The following PPFIA2 variants were observed in gnomAD, a reference collection of about 807,000 sequenced individuals.
PPFIA2 encodes liprin-alpha-2.
Under a neutral mutation model 175.5 loss-of-function variants are expected in PPFIA2, and 46 were observed. The observed-to-expected ratio is 0.26, with a 90% CI of 0.21 to 0.34. The LOEUF is 0.34. PPFIA2 is among the 10% of genes least tolerant of loss of function. The probability of loss-of-function intolerance (pLI) is 1.00; values close to 1 mark genes in which losing one functional copy is unlikely to be tolerated. For missense variants in PPFIA2, 1,179 were observed against 1,506.1 expected (o/e 0.78, Z 3.60); for synonymous variants, 568 against 511.4 (o/e 1.11, Z -1.49).
At chr12:81,683,966 A>C (rs1284563844) in intron 3 of PPFIA2, among the ~76,000 whole-genome samples, 1 of 152,032 alleles carries the variant, frequency 6.6e-6, no homozygotes, top group Non-Finnish European at 1.5e-5. Flanking sequence ...ATGGGAACTA[A>C]TAAAGAGAGA....
At chr12:81,519,446 A>C (rs749066705) in intron 4 of PPFIA2, among the ~76,000 whole-genome samples, 2 of 152,188 alleles carry the variant, frequency 1.3e-5, no homozygotes, top group African/African-American at 4.8e-5. Flanking sequence ...GGAGAAGAAA[A>C]TTACATTAGT....
intron 3 of PPFIA2, among the ~76,000 whole-genome samples, chr12:81,721,041 G>A (rs2079251488): frequency 6.6e-6 from 1 of 150,428 alleles, no homozygotes; most frequent in Non-Finnish European, 1.5e-5. Flanking sequence ...AGGCAGGCAG[G>A]TGATTATGAA....
chr12:81,658,268 C>CAAAAAAA (rs1318255722), intron 4 of PPFIA2, among the ~76,000 whole-genome samples: 1 of 114,500 alleles, frequency 8.7e-6, no homozygotes, highest in African/African-American at 4.0e-5. Context: ...AACTCCATCT[C>CAAAAAAA]AAAAAAAAAA....
rs2058771830 is a variant in PPFIA2, at chr12:81,344,895, C to A, written c.2233-202G>T. Reference sequence around the variant, plus strand: ...TTTAGAGAGGGAACTTCTCAGGTAACATAAGTCAGATGATTGTTTCCATAA... The same window carrying A: ...TTTAGAGAGGGAACTTCTCAGGTAAAATAAGTCAGATGATTGTTTCCATAA... On this transcript the variant is annotated intron_variant, in intron 18 of 32. Transcript: ENST00000549396. 6 of 469,486 alleles carry A rather than the reference C, an allele frequency of 1.3e-5. No homozygotes were observed. In the South Asian group the frequency reaches 1.8e-4, roughly 14 times the overall value. The allele number at this position is 469,486 out of a possible 1,614,324, so 29.1% of individuals were successfully genotyped here.
chr12:81,412,550 T>C (rs534113529), intron 7 of PPFIA2, among the ~76,000 whole-genome samples: 32 of 152,056 alleles, frequency 2.1e-4, no homozygotes, highest in African/African-American at 6.0e-4. Context: ...ACAACCACAA[T>C]TGCTTTTGCA....
At chr12:81,434,968 A>G (rs1021757731) in intron 7 of PPFIA2, among the ~76,000 whole-genome samples, 1 of 152,136 alleles carries the variant, frequency 6.6e-6, no homozygotes, top group Non-Finnish European at 1.5e-5. Context: ...ATGAATTATT[A>G]TTATTATTTA....
At chr12:81,576,173 G>A (rs951254814) in intron 4 of PPFIA2, among the ~76,000 whole-genome samples, 3 of 151,616 alleles carry the variant, frequency 2.0e-5, no homozygotes, top group Admixed American at 6.6e-5. Flanking sequence ...AGAATGGGGT[G>A]TCCTTCAATA....
chr12:81,717,583 C>A (rs1232268569), intron 3 of PPFIA2, among the ~76,000 whole-genome samples: 1 of 151,620 alleles, frequency 6.6e-6, no homozygotes, highest in African/African-American at 2.4e-5. Flanking sequence ...TCAAATAAAC[C>A]AGTGTGCTGC....
intron 4 of PPFIA2, among the ~76,000 whole-genome samples, chr12:81,467,668 A>G (rs746269960): frequency 6.6e-6 from 1 of 152,144 alleles, no homozygotes; most frequent in Non-Finnish European, 1.5e-5. Context: ...GATTGCATCT[A>G]TTATCACTAA....
chr12:81,464,469 C>T (rs1169725695), intron 4 of PPFIA2, among the ~76,000 whole-genome samples: 1 of 152,084 alleles, frequency 6.6e-6, no homozygotes, highest in African/African-American at 2.4e-5. Context: ...AGTGGTTTCA[C>T]TCTTTTGTGC....
chr12:81,652,676 A>G (rs1447337029), intron 4 of PPFIA2, among the ~76,000 whole-genome samples: 2 of 151,878 alleles, frequency 1.3e-5, no homozygotes, highest in East Asian at 3.9e-4. Context: ...TTTTTCCTCT[A>G]ATTTGCTTCA....
chr12:81,273,096 TATC>T (rs914458842), intron 28 of PPFIA2, among the ~76,000 whole-genome samples: 3 of 152,214 alleles, frequency 2.0e-5, no homozygotes, highest in Admixed American at 6.5e-5. Flanking sequence ...TTTACTGTAT[TATC>T]ATGAGATTAC....
At chr12:81,733,417 T>C (rs1488128802) in intron 3 of PPFIA2, among the ~76,000 whole-genome samples, 1 of 151,668 alleles carries the variant, frequency 6.6e-6, no homozygotes, top group African/African-American at 2.4e-5. Context: ...CTATAGTTAA[T>C]ACTGTATTGT....
chr12:81,621,305 A>G (rs1176607739), intron 4 of PPFIA2, among the ~76,000 whole-genome samples: 1 of 152,192 alleles, frequency 6.6e-6, no homozygotes, highest in Non-Finnish European at 1.5e-5. Flanking sequence ...AAACTGAGTA[A>G]GTGAGCAAGG....
At chr12:81,346,259 A>G (rs1342584037) in intron 18 of PPFIA2, among the ~76,000 whole-genome samples, 1 of 152,030 alleles carries the variant, frequency 6.6e-6, no homozygotes, top group Non-Finnish European at 1.5e-5. Flanking sequence ...ATGGTAGTAC[A>G]TGCTTTTAAA....
chr12:81,563,544 C>T (rs1594985401), intron 4 of PPFIA2, among the ~76,000 whole-genome samples: 1 of 152,230 alleles, frequency 6.6e-6, no homozygotes, highest in Non-Finnish European at 1.5e-5. Flanking sequence ...TAGTTCACAT[C>T]TAATCTTTTA....
chr12:81,361,278 T>C (rs1244215030), intron 15 of PPFIA2, among the ~76,000 whole-genome samples: 1 of 151,740 alleles, frequency 6.6e-6, no homozygotes. Flanking sequence ...GATTTGATAA[T>C]GCTTATTCTA....
At chr12:81,322,433 A>G (rs2053864999) in intron 22 of PPFIA2, among the ~76,000 whole-genome samples, 1 of 152,140 alleles carries the variant, frequency 6.6e-6, no homozygotes, top group Non-Finnish European at 1.5e-5. Flanking sequence ...ATGAAGAATT[A>G]TAATATTAAT....
intron 3 of PPFIA2, among the ~76,000 whole-genome samples, chr12:81,713,605 A>G (rs1255658809): frequency 2.6e-5 from 4 of 151,250 alleles, no homozygotes; most frequent in African/African-American, 7.2e-5. Context: ...GCCAATTCCT[A>G]CAGTTATACA....
Sources: allele counts gnomAD v4.1 joint callset (sites outside exome capture counted in the v4.1 genomes callset), GRCh38; gene constraint gnomAD v4.1.1; transcripts MANE v1.5; gene names NCBI Gene and HGNC (gene_info 2026-07-23, HGNC 2026-07-21).